CCDC171: variants seen among roughly 807,000 people sequenced by gnomAD.
CCDC171 encodes the protein coiled-coil domain containing 171, also known as coiled-coil domain-containing protein 171.
Under a neutral mutation model 168.2 loss-of-function variants are expected in CCDC171, and 177 were observed. That is an observed-to-expected ratio of 1.05 (90% CI 0.93 to 1.19). The LOEUF is 1.19. CCDC171 is among the 50% of genes most tolerant of loss of function. CCDC171 has a pLI of 0.00. For missense variants in CCDC171, 1,991 were observed against 1,539.0 expected, an observed-to-expected ratio of 1.29 and a Z score of -4.91; for synonymous variants, 687 against 540.8, an observed-to-expected ratio of 1.27 and a Z score of -3.75.
chr9:15,848,607 T>G (rs2060999565), intron 22 of CCDC171, among the ~76,000 whole-genome samples: 1 of 151,820 alleles, frequency 6.6e-6, no homozygotes, highest in Non-Finnish European at 1.5e-5. Flanking sequence ...TTTTTCACTT[T>G]TTTACCTTTT....
At chr9:15,624,300 C>G (rs1404779606) in intron 7 of CCDC171, among the ~76,000 whole-genome samples, 3 of 151,936 alleles carry the variant, frequency 2.0e-5, no homozygotes, top group Non-Finnish European at 4.4e-5. Flanking sequence ...TAATATATGA[C>G]AATTTTTTAA....
chr9:15,789,496 A>G (rs1027536796), intron 21 of CCDC171, among the ~76,000 whole-genome samples: 5 of 152,212 alleles, frequency 3.3e-5, no homozygotes, highest in African/African-American at 4.8e-5. Context: ...AGCAAAAGCT[A>G]AGGCAAAAGT....
At chr9:16,029,677 G>T (rs1833335868) in intron 6 of CCDC171, among the ~76,000 whole-genome samples, 1 of 152,192 alleles carries the variant, frequency 6.6e-6, no homozygotes, top group Non-Finnish European at 1.5e-5. Flanking sequence ...AGGCTGTCAG[G>T]GTTAGAGAGG....
At chr9:15,919,175 T>C (rs562836219) in intron 24 of CCDC171, among the ~76,000 whole-genome samples, 52 of 151,770 alleles carry the variant, frequency 3.4e-4, no homozygotes, top group South Asian at 2.5e-3. Flanking sequence ...GAAAAAGATC[T>C]GAGCTGGTTT....
chr9:15,853,341 T>C (rs930312030), intron 23 of CCDC171, among the ~76,000 whole-genome samples: 1 of 151,722 alleles, frequency 6.6e-6, no homozygotes, highest in African/African-American at 2.4e-5. Flanking sequence ...TGCAATGCTA[T>C]TTTAAATGGA....
intron 18 of CCDC171, among the ~76,000 whole-genome samples, chr9:15,764,278 G>A (rs1382732465): frequency 6.6e-6 from 1 of 152,180 alleles, no homozygotes; most frequent in South Asian, 2.1e-4. Flanking sequence ...GTTTTGAGTG[G>A]AAGAATGACA....
intron 1 of CCDC171, among the ~76,000 whole-genome samples, chr9:16,044,260 A>G (rs1564133026): frequency 6.6e-6 from 1 of 152,176 alleles, no homozygotes; most frequent in Non-Finnish European, 1.5e-5. Context: ...TCTAATCTCC[A>G]ACTTCCTTTT....
rs190398300 is a variant in CCDC171 at position 15,638,093 on chromosome 9, G to A, written c.822+14680G>A. Among the ~76,000 whole-genome samples, 9 of 152,184 alleles carry A rather than the reference G, an allele frequency of 5.9e-5. No homozygotes were observed. In the South Asian group the frequency reaches 6.2e-4, roughly 11 times the overall value. On this transcript the variant is annotated intron_variant, in intron 7 of 25. Coordinates refer to ENST00000380701, the MANE Select transcript of CCDC171 (RefSeq NM_173550.4). ...TTTATGTTTTTTTCTTTACTGCTGT[G>A]TAAATACTTTTGATAATACCAGGTC...
In CCDC171 at chr9:15,821,936, C is replaced by A. The variant is rs1356872086; in HGVS notation, c.3268-24766C>A. Among the ~76,000 whole-genome samples, 6 of 49,008 alleles carry A rather than the reference C, an allele frequency of 1.2e-4. 2 individuals are homozygous for A. The highest frequency in any genetic ancestry group is 9.6e-4 in the Admixed American group (6 of 6,256). 32.2% of individuals were successfully genotyped at this position (49,008 alleles called of 152,430 possible). A position where few individuals can be genotyped will look rare whatever the true frequency, so the allele number is the denominator to read the frequency against. The stretch of plus-strand genomic sequence containing the variant: ...TCACGCTACCTGACTTCAAACTATA[C>A]AACAAGGCTACAGTAACCAAAACAC... On this transcript the variant is annotated intron_variant, in intron 21 of 25. Coordinates refer to ENST00000380701, the MANE Select transcript of CCDC171 (RefSeq NM_173550.4).
At chr9:15,991,104 C>G (rs1053213472) in intron 3 of CCDC171, among the ~76,000 whole-genome samples, 2 of 152,186 alleles carry the variant, frequency 1.3e-5, no homozygotes, top group Admixed American at 6.5e-5. Flanking sequence ...ACTCTCCACC[C>G]CAAATCAACA....
intron 7 of CCDC171, among the ~76,000 whole-genome samples, chr9:15,636,693 T>C (rs762123039): frequency 7.5e-6 from 1 of 133,024 alleles, no homozygotes; most frequent in Non-Finnish European, 1.5e-5. Flanking sequence ...GGGCCTGCAG[T>C]GAGCTGTGAT....
chr9:15,977,688 G>A (rs1196415577), downstream of CCDC171, among the ~76,000 whole-genome samples: 4 of 152,122 alleles, frequency 2.6e-5, no homozygotes, highest in Admixed American at 2.0e-4. Flanking sequence ...CCAGTGAAGC[G>A]GCTCCAGAAA....
intron 6 of CCDC171, among the ~76,000 whole-genome samples, chr9:15,619,782 G>A (rs951449488): frequency 1.3e-5 from 2 of 152,186 alleles, no homozygotes; most frequent in Non-Finnish European, 2.9e-5. Flanking sequence ...CTAGAGAGGA[G>A]AAGTCAGTGC....
chr9:16,051,339 A>C (rs1402096101), intron 1 of CCDC171, among the ~76,000 whole-genome samples: 4 of 152,046 alleles, frequency 2.6e-5, no homozygotes, highest in Admixed American at 2.0e-4. Context: ...TTTTCATAGC[A>C]AGCAGTCCCC....
chr9:15,733,389 A>G (rs557322315), intron 16 of CCDC171, among the ~76,000 whole-genome samples: 1 of 149,576 alleles, frequency 6.7e-6, no homozygotes, highest in South Asian at 2.1e-4. Flanking sequence ...TTTTTTCCCT[A>G]TATGTTTTAT....
chr9:16,023,172 A>AT (rs1261966688), intron 6 of CCDC171, among the ~76,000 whole-genome samples: 1 of 151,452 alleles, frequency 6.6e-6, no homozygotes, highest in African/African-American at 2.4e-5. Flanking sequence ...GGTTCATTGT[A>AT]TTCTGTTTTC....
At chr9:15,799,988 T>C (rs2058743612) in intron 21 of CCDC171, among the ~76,000 whole-genome samples, 1 of 152,158 alleles carries the variant, frequency 6.6e-6, no homozygotes, top group Admixed American at 6.6e-5. Context: ...TACTCTATTG[T>C]GTATAAGTAC....
chr9:16,100,425 GT>G, the CCDC171 span, among the ~76,000 whole-genome samples: 1 of 152,130 alleles, frequency 6.6e-6, no homozygotes, highest in African/African-American at 2.4e-5. Flanking sequence ...GGGGGGTCTG[GT>G]GGAAGTTCAC....
chr9:15,786,370 A>T (rs893573065), intron 21 of CCDC171, among the ~76,000 whole-genome samples: 58 of 152,296 alleles, frequency 3.8e-4, no homozygotes, highest in African/African-American at 1.4e-3. Context: ...GAAAATATAG[A>T]TGAAGAAAAA....
Sources: gnomAD v4.1 joint callset for allele counts (sites outside exome capture counted in the v4.1 genomes callset) on GRCh38, gnomAD v4.1.1 for gene constraint, MANE v1.5 for transcripts, NCBI Gene and HGNC (gene_info 2026-07-23, HGNC 2026-07-21) for gene names.